The following RHOH variants were observed in gnomAD, a reference collection of about 807,000 sequenced individuals.
RHOH encodes the protein rho-related GTP-binding protein RhoH.
RHOH carries 6 observed loss-of-function variants against 13.8 expected under a neutral mutation model. That is an observed-to-expected ratio of 0.44 (90% confidence interval 0.24 to 0.86). The LOEUF is 0.86. Among genes scored for constraint, RHOH ranks in the 40% least tolerant of loss-of-function variants. The probability of loss-of-function intolerance (pLI) is 0.24; values close to 1 mark genes in which losing one functional copy is unlikely to be tolerated. For missense variants in RHOH, 147 were observed against 244.5 expected (o/e 0.60, Z 2.66); for synonymous variants, 117 against 103.0 (o/e 1.14, Z -0.82).
chr4:40,200,678 A>G (rs1289773567), intron 1 of RHOH: 1 of 152,236 alleles, frequency 6.6e-6, no homozygotes, highest in African/African-American at 2.4e-5. Flanking sequence ...GAGATGAGTT[A>G]TCGGGAGCGG....
intron 1 of RHOH, among the ~76,000 whole-genome samples, chr4:40,219,086 G>A (rs1726220469): frequency 6.6e-6 from 1 of 152,188 alleles, no homozygotes; most frequent in Admixed American, 6.5e-5. Context: ...GCATCATGGA[G>A]TACAGTATAG....
At chr4:40,236,652 G>A (rs946718997) in intron 1 of RHOH, among the ~76,000 whole-genome samples, 2 of 151,934 alleles carry the variant, frequency 1.3e-5, no homozygotes, top group Admixed American at 6.6e-5. Context: ...TTAGCTGGGC[G>A]TGGTGGTGTG....
At chr4:40,193,073 G>C (rs1722772765), upstream of RHOH, 1 of 152,626 alleles carries the variant, frequency 6.6e-6, no homozygotes, top group East Asian at 1.9e-4. Flanking sequence ...AGTGGGCAAG[G>C]CTGGACCCTG....
chr4:40,241,716 G>C (rs184793949), intron 1 of RHOH, among the ~76,000 whole-genome samples: 41 of 151,994 alleles, frequency 2.7e-4, no homozygotes, highest in African/African-American at 9.4e-4. Context: ...TAGTGAGACT[G>C]TGTCTCTACA....
At position 40,243,674 on chromosome 4, in the gene RHOH, C is replaced by T. The variant is rs1257676218; in HGVS notation, c.288C>T (p.Asn96=). 6.2e-7 allele frequency: 1 copy of T among 1,614,198 alleles called. No homozygotes were observed. The highest frequency in any genetic ancestry group is 8.5e-7 in the Non-Finnish European group (1 of 1,180,036). ...ATAACTCATTCCTGAACTTGAAGAA[C>T]AAGTGGATTGGTGAAATTAGGAGCA... ...ANHNSFLNLK[N]KWIGEIRSNL... is the part of the protein sequence containing the mutation. Residue 96 remains asparagine (N), a synonymous_variant, in exon 3 of 3, where the codon AAC becomes AAT. Coordinates refer to ENST00000381799, the MANE Select transcript of RHOH (RefSeq NM_004310.5). This position sits in a 1 kb window ranked among gnomAD's most constrained non-coding sequence, Gnocchi z 6.2.
At chr4:40,226,012 G>A (rs1486830887) in intron 1 of RHOH, among the ~76,000 whole-genome samples, 1 of 152,118 alleles carries the variant, frequency 6.6e-6, no homozygotes, top group Non-Finnish European at 1.5e-5. Context: ...GATTAAAGGA[G>A]GTAATTTTTA....
intron 1 of RHOH, among the ~76,000 whole-genome samples, chr4:40,216,402 G>A (rs111317618): frequency 2.9e-4 from 44 of 152,202 alleles, no homozygotes; most frequent in African/African-American, 9.2e-4. Flanking sequence ...CCGGGAGGCA[G>A]AGGTGGCAGT....
intron 1 of RHOH, among the ~76,000 whole-genome samples, chr4:40,236,104 T>A (rs1475859285): frequency 1.3e-5 from 2 of 152,226 alleles, no homozygotes; most frequent in African/African-American, 4.8e-5. Context: ...TTACAGTGTG[T>A]GTTGGTGACA....
chr4:40,203,250 G>A (rs1724239824), intron 1 of RHOH, among the ~76,000 whole-genome samples: 2 of 152,218 alleles, frequency 1.3e-5, no homozygotes. Context: ...GGGATTACAG[G>A]CGTGAGCCAC....
intron 1 of RHOH, among the ~76,000 whole-genome samples, chr4:40,217,649 G>T (rs1175731735): frequency 1.3e-5 from 2 of 152,140 alleles, no homozygotes; most frequent in East Asian, 3.8e-4. Context: ...GGAATTCAAT[G>T]ATAAAAGAGG....
At chr4:40,210,395 A>G (rs1350891237) in intron 1 of RHOH, among the ~76,000 whole-genome samples, 1 of 152,162 alleles carries the variant, frequency 6.6e-6, no homozygotes, top group Admixed American at 6.5e-5. Context: ...CTGCACGATG[A>G]TTGCTGCAGC....
intron 1 of RHOH, among the ~76,000 whole-genome samples, chr4:40,206,784 C>G (rs1724693415): frequency 6.6e-6 from 1 of 152,164 alleles, no homozygotes. Context: ...CCGGCAATAT[C>G]AGAGAAATAT....
chr4:40,242,765 G>A lies in RHOH; in HGVS notation c.-279G>A, dbSNP rs1373247491. On this transcript the variant is annotated 5_prime_UTR_variant, in exon 2 of 3. Coordinates refer to ENST00000381799, the MANE Select transcript of RHOH (RefSeq NM_004310.5). Reference sequence around the variant, plus strand: ...AACTGAAGCCGTGGAGAACGCTCTCGGGGCCTTTGCCACTTCTTGGAGTAG... The same window carrying A: ...AACTGAAGCCGTGGAGAACGCTCTCAGGGCCTTTGCCACTTCTTGGAGTAG... 1 of 151,902 alleles carries A rather than the reference G, an allele frequency of 6.6e-6. No homozygotes were observed. Among genetic ancestry groups the A allele is most frequent in the African/African-American group, 2.4e-5 (1 of 41,150 alleles). 9.4% of individuals were successfully genotyped at this position (151,902 alleles called of 1,614,324 possible). A position where few individuals can be genotyped will look rare whatever the true frequency, so the allele number is the denominator to read the frequency against.
rs947750025 is a variant in RHOH, at chr4:40,243,826, G to T, written c.440G>T (p.Gly147Val). The T allele has an allele frequency of 6.2e-7, 1 of 1,614,056 alleles. No individual in the cohort carries two copies. Among genetic ancestry groups the T allele is most frequent in the Non-Finnish European group, 8.5e-7 (1 of 1,180,040 alleles). ...CTGGCCCAGGATGTCAGAGCCAAGG[G>T]CTACCTGGAGTGCTCAGCCCTTAGC... ...KKLAQDVRAK[G>V]YLECSALSNR... Residue 147 changes from glycine to valine, a missense_variant, in exon 3 of 3, where the codon GGC becomes GTC. Gly to Val is a moderately radical substitution (Grantham distance 109, BLOSUM62 -3). Coordinates refer to ENST00000381799, the MANE Select transcript of RHOH (RefSeq NM_004310.5). The surrounding 1 kb of genome is among the most constrained non-coding windows in gnomAD (Gnocchi z 6.2).
In RHOH at chr4:40,228,821, T is replaced by C. The variant is rs76241708; in HGVS notation, c.-330-13893T>C. Among the ~76,000 whole-genome samples, 1,366 of 152,330 alleles carry C rather than the reference T, an allele frequency of 9.0e-3. 23 individuals carry two copies. Among genetic ancestry groups the C allele is most frequent in the African/African-American group, 0.031 (1,289 of 41,570 alleles). ...TCCTCACTCTCAGAGTTACTTTGAC[T>C]TCTCATCTGGTTTCGTGTGGGTAAT... is the stretch of plus-strand genomic sequence containing the variant. On this transcript the variant is annotated intron_variant, in intron 1 of 2. Coordinates refer to ENST00000381799, the MANE Select transcript of RHOH (RefSeq NM_004310.5).
At chr4:40,225,201 T>A (rs567212726) in intron 1 of RHOH, among the ~76,000 whole-genome samples, 88 of 152,232 alleles carry the variant, frequency 5.8e-4, no homozygotes, top group African/African-American at 2.0e-3. Context: ...AACCTCCACC[T>A]CCCAGGTTCA....
intron 1 of RHOH, among the ~76,000 whole-genome samples, chr4:40,204,842 G>C (rs758145560): frequency 6.6e-6 from 1 of 152,170 alleles, no homozygotes; most frequent in Non-Finnish European, 1.5e-5. Context: ...TATGATTAAT[G>C]CTCTAAATCC....
intron 1 of RHOH, among the ~76,000 whole-genome samples, chr4:40,216,491 A>C (rs530620453): frequency 3.3e-4 from 50 of 152,256 alleles, no homozygotes; most frequent in African/African-American, 1.1e-3. Context: ...GAAACAAAAA[A>C]TAAAAACATA....
chr4:40,239,287 A>G (rs2109564313), intron 1 of RHOH, among the ~76,000 whole-genome samples: 1 of 152,334 alleles, frequency 6.6e-6, no homozygotes, highest in South Asian at 2.1e-4. Context: ...TGGCTGGCAC[A>G]TGAGGGTCAC....
Sources: gnomAD v4.1 joint callset for allele counts (sites outside exome capture counted in the v4.1 genomes callset) on GRCh38, gnomAD v4.1.1 for gene constraint, Gnocchi (gnomAD v3.1) non-coding constraint, MANE v1.5 for transcripts, NCBI Gene and HGNC (gene_info 2026-07-23, HGNC 2026-07-21) for gene names.